The following AEBP2 variants were observed in gnomAD, a reference collection of about 807,000 sequenced individuals.
AEBP2 encodes AE binding protein 2.
AEBP2 carries 10 observed loss-of-function variants against 50.8 expected under a neutral mutation model. The observed-to-expected ratio is 0.20, with a 90% CI of 0.12 to 0.33. The LOEUF (loss-of-function observed/expected upper bound fraction) is 0.33, where lower values mean the gene tolerates loss of function less well. Among genes scored for constraint, AEBP2 ranks in the 10% least tolerant of loss-of-function variants. The probability of loss-of-function intolerance (pLI) is 1.00; values close to 1 mark genes in which losing one functional copy is unlikely to be tolerated. For missense variants in AEBP2, 570 were observed against 688.0 expected (o/e 0.83, Z 1.92); for synonymous variants, 296 against 261.3 (o/e 1.13, Z -1.28).
At chr12:19,480,671 G>C (rs1948713869) in intron 3 of AEBP2, among the ~76,000 whole-genome samples, 1 of 152,126 alleles carries the variant, frequency 6.6e-6, no homozygotes. Flanking sequence ...AATCTGATAG[G>C]TTTTTCTTTA....
chr12:19,448,832 A>ACCAT (rs1408010833), intron 1 of AEBP2, among the ~76,000 whole-genome samples: 5 of 152,002 alleles, frequency 3.3e-5, no homozygotes, highest in African/African-American at 1.2e-4. Context: ...GGCATGCACT[A>ACCAT]CCATGCCCAG....
intron 2 of AEBP2, among the ~76,000 whole-genome samples, chr12:19,464,995 C>T (rs113666434): frequency 4.6e-5 from 7 of 152,012 alleles, no homozygotes; most frequent in South Asian, 2.1e-4. Context: ...GCATTTGTCC[C>T]GTAAGTGTAA....
At chr12:19,501,342 A>G (rs1949071459) in intron 5 of AEBP2, among the ~76,000 whole-genome samples, 1 of 151,938 alleles carries the variant, frequency 6.6e-6, no homozygotes, top group African/African-American at 2.4e-5. Context: ...AAAAAAAAAA[A>G]AAAAAAATAC....
chr12:19,446,672 C>T (rs1200544272), intron 1 of AEBP2, among the ~76,000 whole-genome samples: 1 of 147,664 alleles, frequency 6.8e-6, no homozygotes, highest in African/African-American at 2.5e-5. Context: ...GCGGAGCTTG[C>T]AGTGAGCAGA....
chr12:19,501,797 G>GTTTTTTGTTTTTT (rs1555187205), intron 5 of AEBP2, among the ~76,000 whole-genome samples: 17 of 70,904 alleles, frequency 2.4e-4, no homozygotes, highest in East Asian at 4.9e-4. Context: ...AAATGAGTTT[G>GTTTTTTGTTTTTT]TTTTTTTTTT....
Position 19,505,487 on chromosome 12 carries a change from T to C in AEBP2, c.1299+5266T>C, listed in dbSNP as rs1351186578. Among the ~76,000 whole-genome samples the C allele has an allele frequency of 2.0e-5, 3 of 152,334 alleles. No homozygotes were observed. The East Asian group carries it at 5.8e-4, about 29-fold the overall frequency. On this transcript the variant is annotated intron_variant, in intron 5 of 7. Coordinates refer to ENST00000266508, the MANE Select transcript of AEBP2 (RefSeq NM_153207.5). ...GACATGATAAAACAAGATAAATTAG[T>C]AAAATTGTAAAAACTTGTAATGAGG...
At chr12:19,444,823 T>C (rs1418528464) in intron 1 of AEBP2, among the ~76,000 whole-genome samples, 1 of 152,178 alleles carries the variant, frequency 6.6e-6, no homozygotes, top group Middle Eastern at 3.2e-3. Flanking sequence ...TAACATAATA[T>C]CTTGGGTGTG....
rs971887140 is a variant in AEBP2 at position 19,521,857 on chromosome 12, A to C, written c.*3740A>C. On this transcript the variant is annotated 3_prime_UTR_variant, in exon 8 of 8. Transcript: ENST00000266508. ...TCTTAAAATATAAAAATGAGAAAATATGTATTAAAAATACTTGATAGAGGG... is the reference window on the plus strand; with the variant it reads ...TCTTAAAATATAAAAATGAGAAAATCTGTATTAAAAATACTTGATAGAGGG... 2.5e-4 allele frequency: 38 copies of C among 152,278 alleles called. No individual in the cohort carries two copies. Among genetic ancestry groups the C allele is most frequent in the African/African-American group, 9.1e-4 (38 of 41,580 alleles). The allele number at this position is 152,278 out of a possible 1,614,324, so 9.4% of individuals were successfully genotyped here.
chr12:19,512,927 A>G (rs943014542), intron 6 of AEBP2, among the ~76,000 whole-genome samples: 11 of 152,184 alleles, frequency 7.2e-5, no homozygotes, highest in African/African-American at 2.7e-4. Flanking sequence ...TAGCCTGGGT[A>G]ACAGAGTGAG....
chr12:19,474,558 A>G (rs919376794), intron 3 of AEBP2, among the ~76,000 whole-genome samples: 2 of 152,148 alleles, frequency 1.3e-5, no homozygotes, highest in African/African-American at 4.8e-5. Context: ...TCCTTATGCA[A>G]CCATAAGCAG....
intron 2 of AEBP2, among the ~76,000 whole-genome samples, chr12:19,470,623 T>TAG: frequency 6.6e-6 from 1 of 152,348 alleles, no homozygotes; most frequent in Non-Finnish European, 1.5e-5. Context: ...TTATTCCATG[T>TAG]AGAGTCTAAA....
intron 1 of AEBP2, among the ~76,000 whole-genome samples, chr12:19,451,509 G>A (rs1214089604): frequency 6.6e-6 from 1 of 152,138 alleles, no homozygotes; most frequent in East Asian, 1.9e-4. Context: ...TTCCAAGAGC[G>A]AGCCAGGCTG....
At chr12:19,515,114 A>G (rs1949300131) in intron 7 of AEBP2, among the ~76,000 whole-genome samples, 1 of 152,148 alleles carries the variant, frequency 6.6e-6, no homozygotes, top group Non-Finnish European at 1.5e-5. Context: ...TGTGGACCTA[A>G]GAATATGTTG....
At chr12:19,420,603 G>A (rs573216901) in intron 1 of AEBP2, among the ~76,000 whole-genome samples, 55 of 152,220 alleles carry the variant, frequency 3.6e-4, no homozygotes, top group African/African-American at 1.3e-3. Context: ...TGGGATTACA[G>A]GCTTGAGCCA....
upstream of AEBP2, among the ~76,000 whole-genome samples, chr12:19,435,532 TG>T (rs1157833286): frequency 6.6e-6 from 1 of 152,166 alleles, no homozygotes; most frequent in Non-Finnish European, 1.5e-5. Context: ...CCACTGTGAC[TG>T]GTCCCCAACA....
upstream of AEBP2, among the ~76,000 whole-genome samples, chr12:19,437,789 A>G (rs1218537103): frequency 6.6e-6 from 1 of 152,130 alleles, no homozygotes. Context: ...GTCCCATGTT[A>G]TTATTTTTGC....
Position 19,473,267 on chromosome 12 carries a change from A to G in AEBP2, c.899A>G (p.Lys300Arg). 2 of 1,486,828 alleles carry G rather than the reference A, an allele frequency of 1.3e-6. No individual in the cohort carries two copies. The highest frequency in any genetic ancestry group is 1.8e-6 in the Non-Finnish European group (2 of 1,115,966). 92.1% of individuals were successfully genotyped at this position (1,486,828 alleles called of 1,614,324 possible). A position where few individuals can be genotyped will look rare whatever the true frequency, so the allele number is the denominator to read the frequency against. The change falls in exon 3 of 8, where the codon AAA (lysine) becomes AGA (arginine). Residue 300 changes from lysine (K) to arginine (R), a missense_variant. By Grantham distance (26) the Lys-to-Arg change is conservative. This residue lies in a region of AEBP2 where 184 missense variants were observed against 351.2 expected (regional missense o/e 0.52). Transcript: ENST00000266508. Reference sequence around the variant, plus strand: ...TAACAGGTATTTGTTTGCTTATGGAAAGGTTGTAAAGTATATAACACTCCA... The same window carrying G: ...TAACAGGTATTTGTTTGCTTATGGAGAGGTTGTAAAGTATATAACACTCCA... The part of the protein sequence containing the change: ...QRGGVFVCLW[K>R]GCKVYNTPST...
intron 4 of AEBP2, among the ~76,000 whole-genome samples, 178 bp downstream of exon 4, chr12:19,494,164 A>G (rs1948935878): frequency 6.6e-6 from 1 of 152,202 alleles, no homozygotes; most frequent in Admixed American, 6.5e-5. Context: ...TAGCTAAGGG[A>G]GTATATGTGG....
Position 19,514,743 on chromosome 12 carries a change from A to G in AEBP2, c.1440A>G (p.Leu480=). 6 of 1,611,886 alleles carry G rather than the reference A, an allele frequency of 3.7e-6. No homozygotes were observed. The highest frequency in any genetic ancestry group is 4.2e-6 in the Non-Finnish European group (5 of 1,179,042). ...LKTKVVHLSK[L]PKDTALLLDP... is the part of the protein sequence containing the mutation. ...CTAAAGTAGTTCATTTATCAAAGCT[A>G]CCCAAAGATACTGCCTTGCTTTTGG... is the stretch of plus-strand genomic sequence containing the variant. Residue 480 remains leucine (L), a synonymous_variant, in exon 7 of 8, where the codon CTA becomes CTG. Coordinates refer to ENST00000266508, the MANE Select transcript of AEBP2 (RefSeq NM_153207.5).
Sources: allele counts gnomAD v4.1 joint callset (sites outside exome capture counted in the v4.1 genomes callset), GRCh38; gene constraint gnomAD v4.1.1; regional missense constraint gnomAD v4.1.1; transcripts MANE v1.5; gene names NCBI Gene and HGNC (gene_info 2026-07-23, HGNC 2026-07-21).